Variants in RAPGEF4 observed in about 807,000 individuals in gnomAD.
RAPGEF4 encodes RAP guanine-nucleotide-exchange factor (GEF) 4.
Under a neutral mutation model 147.9 loss-of-function variants are expected in RAPGEF4, and 66 were observed. The ratio of observed to expected loss-of-function variants is 0.45; its 90% CI spans 0.37 to 0.55. The LOEUF (loss-of-function observed/expected upper bound fraction) is 0.55. Among genes scored for constraint, RAPGEF4 ranks in the 20% least tolerant of loss-of-function variants. RAPGEF4 has a pLI of 0.00. For missense variants in RAPGEF4, 1,071 were observed against 1,257.3 expected (o/e 0.85, Z 2.24); for synonymous variants, 419 against 442.7 (o/e 0.95, Z 0.67).
At chr2:173,023,669 C>T (rs554399110) in intron 23 of RAPGEF4, among the ~76,000 whole-genome samples, 1 of 152,274 alleles carries the variant, frequency 6.6e-6, no homozygotes, top group East Asian at 1.9e-4. Flanking sequence ...GAGTGATAGA[C>T]CAGCATCCAC....
chr2:172,936,789 A>C (rs1229083807), intron 6 of RAPGEF4, among the ~76,000 whole-genome samples: 1 of 152,190 alleles, frequency 6.6e-6, no homozygotes, highest in East Asian at 1.9e-4. Context: ...CTTTTAAAGC[A>C]GTTGTGATGG....
intron 4 of RAPGEF4, among the ~76,000 whole-genome samples, chr2:172,904,662 G>A (rs979697950): frequency 3.8e-4 from 58 of 152,176 alleles, no homozygotes; most frequent in Admixed American, 1.0e-3. Flanking sequence ...GCAATAAATA[G>A]TTGCAGATCA....
At chr2:172,840,938 A>C (rs1238382493) in intron 4 of RAPGEF4, among the ~76,000 whole-genome samples, 2 of 152,252 alleles carry the variant, frequency 1.3e-5, no homozygotes, top group Non-Finnish European at 2.9e-5. Context: ...TTACTGGCCC[A>C]GGGCTGACGC....
chr2:172,857,466 G>T lies in RAPGEF4; in HGVS notation c.444+43041G>T, dbSNP rs77457795. Among the ~76,000 whole-genome samples the T allele has an allele frequency of 3.6e-3, 546 of 152,318 alleles. 6 individuals carry two copies. The highest frequency in any genetic ancestry group is 0.012 in the African/African-American group (516 of 41,558). ...GTCTTTCGGTGTATACATTATTTGA[G>T]ACGCGAGTTTATATACAAGTTGCAT... On this transcript the variant is annotated intron_variant, in intron 4 of 30. Transcript: ENST00000397081.
chr2:172,810,985 C>T (rs1687969547), intron 3 of RAPGEF4, among the ~76,000 whole-genome samples: 1 of 152,162 alleles, frequency 6.6e-6, no homozygotes, highest in African/African-American at 2.4e-5. Context: ...GAAAATTAGA[C>T]AAAGAAGGAA....
intron 15 of RAPGEF4, 89 bp from the exon 16 acceptor site, chr2:172,996,377 T>C: frequency 1.7e-6 from 1 of 576,394 alleles, no homozygotes; most frequent in Non-Finnish European, 2.8e-6. Flanking sequence ...GATCTCAAAT[T>C]AAAAAAAAAA....
chr2:173,036,896 T>C (rs1575579178), intron 29 of RAPGEF4: 1 of 461,254 alleles, frequency 2.2e-6, no homozygotes, highest in East Asian at 3.2e-5. Flanking sequence ...ATTTGTGTGG[T>C]GGTTCACAGC....
intron 6 of RAPGEF4, among the ~76,000 whole-genome samples, chr2:172,930,318 C>T (rs987506660): frequency 3.9e-5 from 6 of 152,254 alleles, no homozygotes; most frequent in Admixed American, 3.9e-4. Context: ...CCTTCCTCAC[C>T]CCTCCTCAAA....
chr2:172,795,977 G>GTC (rs1686322171), intron 2 of RAPGEF4, among the ~76,000 whole-genome samples: 1 of 152,164 alleles, frequency 6.6e-6, no homozygotes, highest in South Asian at 2.1e-4. Context: ...TTCTTTCTGG[G>GTC]TCTCTGTTTT....
intron 4 of RAPGEF4, among the ~76,000 whole-genome samples, chr2:172,871,889 A>G (rs1420740544): frequency 1.3e-5 from 2 of 152,194 alleles, no homozygotes; most frequent in South Asian, 2.1e-4. Flanking sequence ...TATGAATAAC[A>G]TAACTGAGGC....
chr2:173,004,898 T>C (rs147323796), intron 17 of RAPGEF4, among the ~76,000 whole-genome samples: 14 of 152,230 alleles, frequency 9.2e-5, no homozygotes, highest in African/African-American at 3.4e-4. Context: ...AACTAATATA[T>C]ATATAGATAA....
At chr2:172,843,053 A>G (rs1010870569) in intron 4 of RAPGEF4, among the ~76,000 whole-genome samples, 2 of 152,188 alleles carry the variant, frequency 1.3e-5, no homozygotes, top group Non-Finnish European at 2.9e-5. Context: ...TTTTTGATGT[A>G]ATCACAGTGA....
intron 10 of RAPGEF4, among the ~76,000 whole-genome samples, chr2:172,978,805 C>A (rs529198284): frequency 6.6e-6 from 1 of 152,362 alleles, no homozygotes; most frequent in African/African-American, 2.4e-5. Context: ...TTCTGGTCTG[C>A]TGATAGTTCA....
At chr2:173,041,410 G>A (rs114126219) in intron 29 of RAPGEF4, among the ~76,000 whole-genome samples, 119 of 152,156 alleles carry the variant, frequency 7.8e-4, no homozygotes, top group African/African-American at 2.7e-3. Flanking sequence ...ATTTCCAAAC[G>A]GTATGCTTCA....
At chr2:172,986,711 T>G (rs1020190867) in intron 12 of RAPGEF4, among the ~76,000 whole-genome samples, 5 of 151,860 alleles carry the variant, frequency 3.3e-5, no homozygotes, top group African/African-American at 1.2e-4. Context: ...TTTTTTTTTT[T>G]GAGACGGAGT....
chr2:172,977,051 G>A (rs1215431478), intron 10 of RAPGEF4, among the ~76,000 whole-genome samples: 1 of 152,234 alleles, frequency 6.6e-6, no homozygotes, highest in African/African-American at 2.4e-5. Flanking sequence ...GTCATCTGGA[G>A]AAGGACAAGT....
At chr2:172,922,962 GTGAT>G (rs1684914907) in intron 6 of RAPGEF4, among the ~76,000 whole-genome samples, 1 of 152,222 alleles carries the variant, frequency 6.6e-6, no homozygotes, top group African/African-American at 2.4e-5. Flanking sequence ...GGAGTATGCA[GTGAT>G]TGATTGGGAG....
intron 4 of RAPGEF4, among the ~76,000 whole-genome samples, chr2:172,891,728 A>G (rs1365469571): frequency 1.3e-5 from 2 of 152,252 alleles, no homozygotes; most frequent in African/African-American, 2.4e-5. Flanking sequence ...AAACAGTGAC[A>G]GAATGGGACT....
intron 21 of RAPGEF4, among the ~76,000 whole-genome samples, chr2:173,018,376 T>C (rs1253634458): frequency 6.6e-6 from 1 of 152,200 alleles, no homozygotes; most frequent in Non-Finnish European, 1.5e-5. Flanking sequence ...AGCCTGAAGA[T>C]ACTCTCAATT....
Sources: gnomAD v4.1 joint callset for allele counts (sites outside exome capture counted in the v4.1 genomes callset) on GRCh38, gnomAD v4.1.1 for gene constraint, MANE v1.5 for transcripts, NCBI Gene and HGNC (gene_info 2026-07-23, HGNC 2026-07-21) for gene names.